The following GDF1 variants were observed in gnomAD, a reference collection of about 807,000 sequenced individuals.
The protein encoded by GDF1 is embryonic growth/differentiation factor 1.
In GDF1, 8 loss-of-function variants were observed where a neutral mutation model predicts 7.4. The ratio of observed to expected loss-of-function variants is 1.09; its 90% confidence interval spans 0.64 to 1.96. The LOEUF (loss-of-function observed/expected upper bound fraction) is 1.96. Among genes scored for constraint, GDF1 ranks in the 30% most tolerant of loss-of-function variants. GDF1 has a pLI of 0.00. For missense variants in GDF1, 574 were observed against 551.5 expected, an observed-to-expected ratio of 1.04 and a Z score of -0.41; for synonymous variants, 311 against 276.7, an observed-to-expected ratio of 1.12 and a Z score of -1.23.
In GDF1 at chr19:18,878,947, C is replaced by T; in HGVS notation, c.-330G>A. On this transcript the variant is annotated 5_prime_UTR_variant, in exon 6 of 8. An upstream open reading frame in the 5' UTR loses its in-frame stop. Transcript: ENST00000247005. The surrounding 1 kb of genome is among the most constrained non-coding windows in gnomAD (Gnocchi z 4.6). ...ACACTCACTCGGCTTTGCTGGGCTT[C>T]AGGCTCTGGGCCTCGGCTGTGTCAT... The T allele has an allele frequency of 6.2e-7, 1 of 1,613,756 alleles. No individual in the cohort carries two copies. The highest frequency in any genetic ancestry group is 8.5e-7 in the Non-Finnish European group (1 of 1,179,842).
At position 18,879,333 on chromosome 19, in the gene GDF1, A is replaced by G. The variant is rs1445129835; in HGVS notation, c.-515T>C. 1.2e-6 allele frequency: 2 copies of G among 1,605,912 alleles called. No homozygotes were observed. Among genetic ancestry groups the G allele is most frequent in the Non-Finnish European group, 1.7e-6 (2 of 1,176,372 alleles). On this transcript the variant is annotated 5_prime_UTR_variant, in exon 5 of 8. Transcript: ENST00000247005. ...ATGTCAGGCACCGTGCGCAGACTGC[A>G]GTGACTGGTGGCATACAGGACCTTG...
At chr19:18,880,475 T>C (rs1033751670) in intron 3 of GDF1, 40 bp from the exon 4 acceptor site, 12 of 1,531,024 alleles carry the variant, frequency 7.8e-6, no homozygotes, top group South Asian at 7.5e-5. Context: ...GCAGCTCACA[T>C]TGGGGGACCT....
chr19:18,877,441 A>C (rs1194750078), intron 6 of GDF1, among the ~76,000 whole-genome samples: 1 of 152,210 alleles, frequency 6.6e-6, no homozygotes, highest in Non-Finnish European at 1.5e-5. Context: ...GGAGAGACCT[A>C]GCTGATCTCT....
At chr19:18,892,664 G>A (rs2056520654) in intron 2 of GDF1, among the ~76,000 whole-genome samples, 1 of 152,052 alleles carries the variant, frequency 6.6e-6, no homozygotes, top group South Asian at 2.1e-4. Context: ...TGCTGCCTCA[G>A]CTCTCTGCAG....
In GDF1 at chr19:18,895,032, CTCTCGCAGGGGCGATGG is replaced by C. The variant is rs2056591646; in HGVS notation, c.-1074+775_-1074+791del. 6.6e-6 allele frequency among the ~76,000 whole-genome samples: 1 copy of C among 152,226 alleles called. No individual in the cohort carries two copies. The highest frequency in any genetic ancestry group is 2.4e-5 in the African/African-American group (1 of 41,450). ...CGCCAATGTCACCATCATGGTCACTCTCTCGCAGGGGCGATGGTCTCCGCAGAAACTGGGGAATTCTG... is the reference window on the plus strand; with the variant it reads ...CGCCAATGTCACCATCATGGTCACTCTCTCCGCAGAAACTGGGGAATTCTG... On this transcript the variant is annotated intron_variant, in intron 1 of 7. Coordinates refer to ENST00000247005, the MANE Select transcript of GDF1 (RefSeq NM_001492.6). The surrounding 1 kb of genome is among the most constrained non-coding windows in gnomAD (Gnocchi z 6.4).
At chr19:18,869,476 A>C in intron 7 of GDF1, 86 bp from the exon 8 acceptor site, 1 of 1,421,274 alleles carries the variant, frequency 7.0e-7, no homozygotes, top group Non-Finnish European at 9.2e-7. Flanking sequence ...AGGAAGGTGA[A>C]CGCTGGGGCT....
chr19:18,890,783 GAAAA>G (rs35488506), intron 2 of GDF1, among the ~76,000 whole-genome samples: 1 of 99,762 alleles, frequency 1.0e-5, no homozygotes, highest in Non-Finnish European at 1.9e-5. Context: ...CGCGTCTGGG[GAAAA>G]AAAAAAAAAA....
At position 18,879,274 on chromosome 19, in the gene GDF1, C is replaced by T. The variant is rs1161578659; in HGVS notation, c.-456G>A. The T allele has an allele frequency of 3.1e-6, 5 of 1,613,558 alleles. No individual in the cohort carries two copies. In the South Asian group the frequency reaches 5.5e-5, roughly 18 times the overall value. On this transcript the variant is annotated 5_prime_UTR_variant, in exon 5 of 8. Transcript: ENST00000247005. The stretch of plus-strand genomic sequence containing the variant: ...AGTAGAGGTTCATAAGGGTGAGCAG[C>T]AGCAGGAGCGCATTGAAGAAGAAGT...
intron 6 of GDF1, among the ~76,000 whole-genome samples, chr19:18,875,507 C>T (rs1601155870): frequency 6.6e-6 from 1 of 150,568 alleles, no homozygotes; most frequent in African/African-American, 2.5e-5. Flanking sequence ...CACACCACTG[C>T]ACTCCAGCCT....
At chr19:18,891,819 C>T (rs554951183) in intron 2 of GDF1, among the ~76,000 whole-genome samples, 16 of 152,166 alleles carry the variant, frequency 1.1e-4, no homozygotes, top group African/African-American at 3.9e-4. Context: ...AATCCTCCCA[C>T]CTCCGCCTCC....
rs2055947515 is a variant in GDF1, at chr19:18,870,417, G to A, written c.-110C>T. 2 of 1,214,714 alleles carry A rather than the reference G, an allele frequency of 1.6e-6. No homozygotes were observed. The highest frequency in any genetic ancestry group is 3.1e-5 in the African/African-American group (2 of 64,824). 75.2% of individuals were successfully genotyped at this position (1,214,714 alleles called of 1,614,324 possible). On this transcript the variant is annotated 5_prime_UTR_variant, in exon 7 of 8. Transcript: ENST00000247005. This position sits in a 1 kb window ranked among gnomAD's most constrained non-coding sequence, Gnocchi z 5.1. ...GAGGGGCAGGGGTCCTGGGGGGCGT[G>A]GCCGGGAACTGGAGGCAGGATGAGG... is the stretch of plus-strand genomic sequence containing the variant.
chr19:18,868,998 G>C lies in GDF1; in HGVS notation c.718C>G (p.Leu240Val). Reference protein sequence around the residue: ...LAEASLLLVTLDPRLCHPLAR... With the variant: ...LAEASLLLVTVDPRLCHPLAR... Reference sequence around the variant, plus strand: ...AGGGGGTGGCACAGGCGCGGGTCGAGGGTCACCAGCAGCAGCGAGGCCTCG... The same window carrying C: ...AGGGGGTGGCACAGGCGCGGGTCGACGGTCACCAGCAGCAGCGAGGCCTCG... The change falls in exon 8 of 8, where the codon CTC becomes GTC. Residue 240 changes from leucine (L) to valine (V), a missense_variant. By Grantham distance (32) the Leu-to-Val change is conservative. Coordinates refer to ENST00000247005, the MANE Select transcript of GDF1 (RefSeq NM_001492.6). 9.0e-7 allele frequency: 1 copy of C among 1,107,324 alleles called. No homozygotes were observed. The highest frequency in any genetic ancestry group is 1.7e-5 in the African/African-American group (1 of 59,146). The allele number at this position is 1,107,324 out of a possible 1,614,324, so 68.6% of individuals were successfully genotyped here.
chr19:18,889,659 G>A (rs1019924007), intron 2 of GDF1, among the ~76,000 whole-genome samples: 1 of 151,962 alleles, frequency 6.6e-6, no homozygotes, highest in African/African-American at 2.4e-5. Flanking sequence ...CGAACTCCTG[G>A]GCTCAAGTGA....
chr19:18,880,857 A>C (rs1005620), intron 3 of GDF1, among the ~76,000 whole-genome samples: 125,030 of 151,922 alleles, frequency 0.82, 51,638 homozygotes, highest in Middle Eastern at 0.88. Context: ...AACACCACAC[A>C]CGGCTAATTT....
At chr19:18,890,636 C>G (rs2056466579) in intron 2 of GDF1, among the ~76,000 whole-genome samples, 1 of 150,266 alleles carries the variant, frequency 6.7e-6, no homozygotes, top group Non-Finnish European at 1.5e-5. Flanking sequence ...AAAAAATTCG[C>G]TGGGGGTGGT....
chr19:18,891,313 A>G (rs2056485395), intron 2 of GDF1, among the ~76,000 whole-genome samples: 1 of 152,064 alleles, frequency 6.6e-6, no homozygotes. Flanking sequence ...TTCCCATCAC[A>G]TGGCAGGAAA....
At chr19:18,884,030 C>T in intron 3 of GDF1, 57 bp downstream of exon 3, 1 of 1,559,456 alleles carries the variant, frequency 6.4e-7, no homozygotes, top group Non-Finnish European at 8.7e-7. Context: ...GCAACATCAG[C>T]CTCCGCACTC....
At chr19:18,879,158 C>A in intron 5 of GDF1, 83 bp downstream of exon 5, 1 of 1,597,404 alleles carries the variant, frequency 6.3e-7, no homozygotes. Context: ...TAACGTGCCC[C>A]TCCCCGGGAC....
At chr19:18,893,721 T>C in intron 1 of GDF1, 146 bp from the exon 2 acceptor site, 1 of 821,144 alleles carries the variant, frequency 1.2e-6, no homozygotes, top group Non-Finnish European at 1.9e-6. Flanking sequence ...ACCTGGAGCA[T>C]AAACAGAGCC....
Sources: allele counts gnomAD v4.1 joint callset (sites outside exome capture counted in the v4.1 genomes callset), GRCh38; gene constraint gnomAD v4.1.1; non-coding constraint Gnocchi (gnomAD v3.1); transcripts MANE v1.5; gene names NCBI Gene and HGNC (gene_info 2026-07-23, HGNC 2026-07-21).